KCTD2: variants seen among roughly 807,000 people sequenced by gnomAD.
KCTD2 encodes BTB/POZ domain-containing protein KCTD2.
KCTD2 carries 18 observed loss-of-function variants against 27.9 expected under a neutral mutation model. That is an observed-to-expected ratio of 0.64 (90% CI 0.45 to 0.96). The LOEUF (loss-of-function observed/expected upper bound fraction) is 0.96, where lower values mean the gene tolerates loss of function less well. Ranked by LOEUF, KCTD2 falls within the 40% of genes least tolerant of loss-of-function variation. The pLI, the probability that KCTD2 is intolerant of heterozygous loss-of-function variation, is 0.00. For missense variants in KCTD2, 280 were observed against 348.0 expected (o/e 0.80, Z 1.56); for synonymous variants, 175 against 148.4 (o/e 1.18, Z -1.30).
intron 3 of KCTD2, chr17:75,041,956 C>A: frequency 2.2e-6 from 1 of 448,898 alleles, no homozygotes; most frequent in Non-Finnish European, 3.9e-6. Context: ...GATCAGAAAG[C>A]CCTCTGGCTC....
At chr17:75,037,865 T>A (rs555498324) in intron 3 of KCTD2, among the ~76,000 whole-genome samples, 6 of 151,784 alleles carry the variant, frequency 4.0e-5, no homozygotes, top group Non-Finnish European at 8.8e-5. Context: ...CTGGCTAACA[T>A]GGTGAAACCC....
chr17:75,052,938 T>G, intron 2 of KCTD2, 76 bp from the exon 3 acceptor site: 1 of 1,037,998 alleles, frequency 9.6e-7, no homozygotes, highest in Admixed American at 1.7e-5. Context: ...AGCAAGCATG[T>G]AACCTTCATC....
Position 75,064,356 on chromosome 17 carries a change from A to G in KCTD2, c.*1309A>G, listed in dbSNP as rs2073435645. Reference sequence around the variant, plus strand: ...CGAATAACTTTCAGTAGTATGGCAGATGGCACAGAGAAAGGGAAGGGGCTC... The same window carrying G: ...CGAATAACTTTCAGTAGTATGGCAGGTGGCACAGAGAAAGGGAAGGGGCTC... On this transcript the variant is annotated 3_prime_UTR_variant, in exon 6 of 6. Transcript: ENST00000322444. 1 of 152,294 alleles carries G rather than the reference A, an allele frequency of 6.6e-6. No homozygotes were observed. Among genetic ancestry groups the G allele is most frequent in the Non-Finnish European group, 1.5e-5 (1 of 68,068 alleles). 9.4% of individuals were successfully genotyped at this position (152,294 alleles called of 1,614,324 possible).
chr17:75,060,771 T>A (rs367969400), intron 4 of KCTD2, among the ~76,000 whole-genome samples: 1 of 152,262 alleles, frequency 6.6e-6, no homozygotes, highest in African/African-American at 2.4e-5. Context: ...TGCCTACTTA[T>A]GTGTAGAGTT....
chr17:75,047,411 CG>C lies in KCTD2; in HGVS notation c.162del (p.Leu55TrpfsTer22). The C allele has an allele frequency of 8.3e-7, 1 of 1,211,676 alleles. No individual in the cohort carries two copies. The highest frequency in any genetic ancestry group is 1.0e-6 in the Non-Finnish European group (1 of 973,434). The allele number at this position is 1,211,676 out of a possible 1,614,324, so 75.1% of individuals were successfully genotyped here. A position where few individuals can be genotyped will look rare whatever the true frequency, so the allele number is the denominator to read the frequency against. On this transcript the variant is annotated frameshift_variant, in exon 1 of 6. Transcript: ENST00000322444. LOFTEE classifies it high-confidence loss of function. ...CGCCCGGCTGCCGCCGTCGCGCAGC[CG>C]CTGGAGCCGGGTCCCGGACCACCCG... ...HGRPAAAVAQ[P>X]LEPGPGPPER...
At chr17:75,036,077 G>A (rs995973300) in intron 3 of KCTD2, 1 of 453,656 alleles carries the variant, frequency 2.2e-6, no homozygotes, top group Non-Finnish European at 4.4e-6. Flanking sequence ...TCCCTGAGAC[G>A]GAGTCTCGCT....
intron 3 of KCTD2, among the ~76,000 whole-genome samples, chr17:75,055,409 C>T (rs556010509): frequency 2.8e-4 from 42 of 151,184 alleles, no homozygotes; most frequent in Non-Finnish European, 5.0e-4. Flanking sequence ...TGTTAGATTT[C>T]ATATATCAAA....
intron 3 of KCTD2, among the ~76,000 whole-genome samples, chr17:75,036,677 A>G (rs1445767128): frequency 6.6e-6 from 1 of 152,126 alleles, no homozygotes; most frequent in East Asian, 1.9e-4. Context: ...AGCTCTAACT[A>G]TGCTCCAAGT....
intron 3 of KCTD2, chr17:75,042,047 C>G (rs2073166762): frequency 1.4e-6 from 1 of 702,866 alleles, no homozygotes; most frequent in Non-Finnish European, 2.4e-6. Flanking sequence ...GACCACAAGG[C>G]CTTTGGCCAT....
chr17:75,053,489 G>A (rs990950378), intron 3 of KCTD2, among the ~76,000 whole-genome samples: 3 of 151,860 alleles, frequency 2.0e-5, no homozygotes, highest in African/African-American at 4.8e-5. Context: ...CGCCCAGGCC[G>A]GAGTGCAGTG....
chr17:75,039,515 T>C (rs1366513726), intron 3 of KCTD2: 2 of 500,468 alleles, frequency 4.0e-6, no homozygotes, highest in Admixed American at 6.7e-5. Flanking sequence ...AAGTTCCTCA[T>C]CCGAAGACCT....
At chr17:75,045,134 C>T (rs2073200512), upstream of KCTD2, among the ~76,000 whole-genome samples, 1 of 152,192 alleles carries the variant, frequency 6.6e-6, no homozygotes, top group East Asian at 1.9e-4. Flanking sequence ...TGGTAGGATC[C>T]GTGATGCCCC....
At chr17:75,051,197 C>G (rs1567991449) in intron 2 of KCTD2, among the ~76,000 whole-genome samples, 1 of 151,058 alleles carries the variant, frequency 6.6e-6, no homozygotes, top group Non-Finnish European at 1.5e-5. Context: ...ATGGTCTCAT[C>G]TCGATCTCCT....
At chr17:75,042,514 C>G, upstream of KCTD2, 1 of 1,601,176 alleles carries the variant, frequency 6.2e-7, no homozygotes, top group Non-Finnish European at 8.5e-7. Flanking sequence ...GGTTCCCTCT[C>G]AGAAACATAC....
chr17:75,052,461 C>T (rs1478772007), intron 2 of KCTD2, among the ~76,000 whole-genome samples: 2 of 152,182 alleles, frequency 1.3e-5, no homozygotes, highest in Non-Finnish European at 2.9e-5. Context: ...TGGCTTTACG[C>T]CTGTAATCCC....
chr17:75,047,308 G>A lies in KCTD2; in HGVS notation c.58G>A (p.Gly20Arg), dbSNP rs925009933. The stretch of plus-strand genomic sequence containing the variant: ...GGGGCTGGGAGGGGGCGGCGGGAGT[G>A]GGGTGGGCGACGGGGGTGGCCCAGT... ...MAGLGGGGGS[G>R]VGDGGGPVRG... The change falls in exon 1 of 6, where the codon GGG (glycine) becomes AGG (arginine). Residue 20 changes from glycine (G) to arginine (R), a missense_variant. Coordinates refer to ENST00000322444, the MANE Select transcript of KCTD2 (RefSeq NM_015353.3). 210 of 1,163,450 alleles carry A rather than the reference G, an allele frequency of 1.8e-4. No homozygotes were observed. The highest frequency in any genetic ancestry group is 2.2e-4 in the Non-Finnish European group (205 of 941,996). The allele number at this position is 1,163,450 out of a possible 1,614,324, so 72.1% of individuals were successfully genotyped here.
chr17:75,045,465 A>G (rs994460479), upstream of KCTD2, among the ~76,000 whole-genome samples: 2 of 152,086 alleles, frequency 1.3e-5, no homozygotes, highest in Non-Finnish European at 2.9e-5. Flanking sequence ...AGTTTATTTC[A>G]CCCCTGCAGT....
intron 1 of KCTD2, among the ~76,000 whole-genome samples, chr17:75,047,803 C>T (rs1386618015): frequency 6.6e-6 from 1 of 152,136 alleles, no homozygotes; most frequent in African/African-American, 2.4e-5. Flanking sequence ...TCTCCCCGAC[C>T]CCGCCCTTCG....
chr17:75,045,606 G>C (rs1421815536), upstream of KCTD2, among the ~76,000 whole-genome samples: 1 of 152,230 alleles, frequency 6.6e-6, no homozygotes, highest in Non-Finnish European at 1.5e-5. Context: ...ATTTGCTTTT[G>C]AAGGAAGAGA....
Sources: gnomAD v4.1 joint callset for allele counts (sites outside exome capture counted in the v4.1 genomes callset) on GRCh38, gnomAD v4.1.1 for gene constraint, MANE v1.5 for transcripts, NCBI Gene and HGNC (gene_info 2026-07-23, HGNC 2026-07-21) for gene names.